Variants in LCMT1 observed in about 807,000 individuals in gnomAD.
LCMT1 encodes [Phosphatase 2A protein]-leucine-carboxy methyltransferase 1.
A neutral mutation model predicts 47.7 loss-of-function variants in LCMT1; 32 were observed. The ratio of observed to expected loss-of-function variants is 0.67; its 90% CI spans 0.51 to 0.90. The LOEUF is 0.90. Among genes scored for constraint, LCMT1 ranks in the 40% least tolerant of loss-of-function variants. The pLI is 0.00. For missense variants in LCMT1, 375 were observed against 415.2 expected, an observed-to-expected ratio of 0.90 and a Z score of 0.84; for synonymous variants, 152 against 149.7, an observed-to-expected ratio of 1.02 and a Z score of -0.11.
At chr16:25,164,299 G>A (rs1961521337) in intron 6 of LCMT1, among the ~76,000 whole-genome samples, 1 of 152,136 alleles carries the variant, frequency 6.6e-6, no homozygotes, top group East Asian at 1.9e-4. Flanking sequence ...TGTTATGTTG[G>A]CGTGGTGTGA....
chr16:25,169,499 T>C (rs1961690314), intron 8 of LCMT1: 2 of 265,860 alleles, frequency 7.5e-6, no homozygotes, highest in Non-Finnish European at 1.5e-5. Context: ...TCTCATCACC[T>C]AACTTCAGTA....
chr16:25,170,909 T>C, intron 9 of LCMT1, 104 bp downstream of exon 9: 1 of 790,462 alleles, frequency 1.3e-6, no homozygotes, highest in Non-Finnish European at 2.0e-6. Flanking sequence ...TGTGGAGATT[T>C]CATTAAAAAA....
chr16:25,168,073 G>C (rs1020787955), intron 7 of LCMT1, among the ~76,000 whole-genome samples: 1 of 149,462 alleles, frequency 6.7e-6, no homozygotes, highest in African/African-American at 2.5e-5. Context: ...TTTTGAGACA[G>C]AGTCTCGCTC....
At chr16:25,157,679 C>A (rs141810906) in intron 5 of LCMT1, among the ~76,000 whole-genome samples, 11 of 152,356 alleles carry the variant, frequency 7.2e-5, no homozygotes, top group African/African-American at 2.6e-4. Context: ...TGGCTTAAAA[C>A]AACAACCATC....
intron 5 of LCMT1, among the ~76,000 whole-genome samples, chr16:25,159,941 CT>C (rs1204691102): frequency 7.1e-6 from 1 of 141,554 alleles, no homozygotes; most frequent in Non-Finnish European, 1.5e-5. Context: ...AAGCAATTTT[CT>C]TTCTTTAAAA....
chr16:25,151,268 A>C (rs992477492), intron 4 of LCMT1, among the ~76,000 whole-genome samples: 6 of 152,240 alleles, frequency 3.9e-5, no homozygotes, highest in African/African-American at 1.2e-4. Context: ...AGCTATTTCT[A>C]AGTCTAAATA....
chr16:25,136,952 G>T (rs1365891840), intron 3 of LCMT1, among the ~76,000 whole-genome samples: 4 of 152,194 alleles, frequency 2.6e-5, no homozygotes, highest in Admixed American at 1.3e-4. Context: ...TAAAAAGGAA[G>T]AAGTCCCATA....
At chr16:25,123,947 GT>G (rs960835547) in intron 1 of LCMT1, among the ~76,000 whole-genome samples, 11 of 152,112 alleles carry the variant, frequency 7.2e-5, no homozygotes, top group Non-Finnish European at 1.6e-4. Context: ...AGCTCAAAAT[GT>G]TGACTTCCAA....
chr16:25,177,690 CTGTG>C (rs1444782139), intron 10 of LCMT1, among the ~76,000 whole-genome samples: 1 of 152,150 alleles, frequency 6.6e-6, no homozygotes, highest in Non-Finnish European at 1.5e-5. Flanking sequence ...CAGTGCTTGT[CTGTG>C]TGTGTGGAAG....
At chr16:25,168,961 G>A (rs536761114) in intron 7 of LCMT1, 151 bp from the exon 8 acceptor site, 19 of 613,188 alleles carry the variant, frequency 3.1e-5, no homozygotes, top group South Asian at 8.9e-5. Context: ...CGCCAGCACC[G>A]TGCTGGTGCC....
At position 25,151,696 on chromosome 16, in the gene LCMT1, GGT is replaced by G. The variant is rs139504024; in HGVS notation, c.466+107_466+108del. The G allele has an allele frequency of 2.8e-3, 1,656 of 601,980 alleles. 16 individuals carry two copies. In the African/African-American group the frequency reaches 0.028, roughly 10 times the overall value. 37.3% of individuals were successfully genotyped at this position (601,980 alleles called of 1,614,324 possible). A position where few individuals can be genotyped will look rare whatever the true frequency, so the allele number is the denominator to read the frequency against. ...CTTTTTGAAGATGGGGTTTGTGTTG[GGT>G]GTGTGTGTGTGTGTGTGTGTGTGTG... On this transcript the variant is annotated intron_variant, in intron 5 of 10. Coordinates refer to ENST00000399069, the MANE Select transcript of LCMT1 (RefSeq NM_016309.3).
chr16:25,144,159 T>C (rs901667527), intron 4 of LCMT1: 1 of 152,282 alleles, frequency 6.6e-6, no homozygotes, highest in African/African-American at 2.4e-5. Flanking sequence ...ATTGGATCCT[T>C]ACGTTTGCCT....
At chr16:25,131,881 A>G (rs989673533) in intron 2 of LCMT1, among the ~76,000 whole-genome samples, 2 of 152,126 alleles carry the variant, frequency 1.3e-5, no homozygotes, top group African/African-American at 4.8e-5. Flanking sequence ...ATTAGGCAGC[A>G]ATTTGCTGGT....
Position 25,178,025 on chromosome 16 carries a change from CT to C in LCMT1, c.*3del. On this transcript the variant is annotated 3_prime_UTR_variant, in exon 11 of 11. Coordinates refer to ENST00000399069, the MANE Select transcript of LCMT1 (RefSeq NM_016309.3). ...GGGCTGAAGGAGATAACTTATTAAT[CT>C]GTCGAAGGCTTATGCCGAGCCAGAA... The C allele has an allele frequency of 6.2e-7, 1 of 1,613,798 alleles. No individual in the cohort carries two copies. The highest frequency in any genetic ancestry group is 8.5e-7 in the Non-Finnish European group (1 of 1,179,790).
At chr16:25,142,164 A>G (rs1960714511) in intron 4 of LCMT1, 1 of 152,268 alleles carries the variant, frequency 6.6e-6, no homozygotes, top group Admixed American at 6.5e-5. Flanking sequence ...ATGGGTGCAC[A>G]AACTTACACA....
At chr16:25,129,470 T>C (rs569907228) in intron 2 of LCMT1, among the ~76,000 whole-genome samples, 38 of 152,366 alleles carry the variant, frequency 2.5e-4, no homozygotes, top group Non-Finnish European at 4.6e-4. Context: ...ATAAGTGACG[T>C]TGAGGATCAT....
At chr16:25,159,784 G>A (rs1028609963) in intron 5 of LCMT1, among the ~76,000 whole-genome samples, 1 of 151,982 alleles carries the variant, frequency 6.6e-6, no homozygotes, top group Non-Finnish European at 1.5e-5. Flanking sequence ...AGCCTTTTCA[G>A]CTTTTTTGCT....
At chr16:25,130,288 C>T (rs1425327145) in intron 2 of LCMT1, among the ~76,000 whole-genome samples, 1 of 145,438 alleles carries the variant, frequency 6.9e-6, no homozygotes, top group Non-Finnish European at 1.5e-5. Context: ...TGCAGTGAGC[C>T]GAGATCACGC....
chr16:25,156,941 T>A (rs1044426850), intron 5 of LCMT1, among the ~76,000 whole-genome samples: 1 of 64,706 alleles, frequency 1.5e-5, no homozygotes, highest in African/African-American at 6.0e-5. Flanking sequence ...CCATTTTACC[T>A]TTTTTTTTTT....
Sources: gnomAD v4.1 joint callset for allele counts (sites outside exome capture counted in the v4.1 genomes callset) on GRCh38, gnomAD v4.1.1 for gene constraint, MANE v1.5 for transcripts, NCBI Gene and HGNC (gene_info 2026-07-23, HGNC 2026-07-21) for gene names.